IRAK3: variants seen among roughly 807,000 people sequenced by gnomAD.
IRAK3 encodes interleukin 1 receptor associated kinase 3.
IRAK3 carries 57 observed loss-of-function variants against 56.6 expected under a neutral mutation model. That is an observed-to-expected ratio of 1.01 (90% CI 0.81 to 1.26). IRAK3 has a LOEUF of 1.26. Among genes scored for constraint, IRAK3 ranks in the 50% most tolerant of loss-of-function variants. The probability of loss-of-function intolerance (pLI) is 0.00; values close to 1 mark genes in which losing one functional copy is unlikely to be tolerated. For missense variants in IRAK3, 703 were observed against 719.0 expected, an observed-to-expected ratio of 0.98 and a Z score of 0.25; for synonymous variants, 258 against 255.7, an observed-to-expected ratio of 1.01 and a Z score of -0.09.
At chr12:66,227,576 CATAAATAA>C (rs376888092) in intron 7 of IRAK3, among the ~76,000 whole-genome samples, 5 of 126,680 alleles carry the variant, frequency 3.9e-5, no homozygotes, top group East Asian at 2.2e-4. Context: ...GAGACTCTGT[CATAAATAA>C]ATAAATAAAT....
intron 8 of IRAK3, chr12:66,234,512 G>T: frequency 6.2e-7 from 1 of 1,611,878 alleles, no homozygotes; most frequent in Non-Finnish European, 8.5e-7. Context: ...AGCTGTAGTT[G>T]GGTCGTAAGT....
chr12:66,253,764 A>T lies in IRAK3; in HGVS notation c.*5593A>T, dbSNP rs767232621. 6.6e-6 allele frequency: 1 copy of T among 152,166 alleles called. No individual in the cohort carries two copies. Among genetic ancestry groups the T allele is most frequent in the Non-Finnish European group, 1.5e-5 (1 of 68,038 alleles). The allele number at this position is 152,166 out of a possible 1,614,324, so 9.4% of individuals were successfully genotyped here. A position where few individuals can be genotyped will look rare whatever the true frequency, so the allele number is the denominator to read the frequency against. On this transcript the variant is annotated 3_prime_UTR_variant, in exon 12 of 12. Coordinates refer to ENST00000261233, the MANE Select transcript of IRAK3 (RefSeq NM_007199.3). ...TAGTAGGTGCTAGGTGCATTCACAC[A>T]TCTCTTAAGCTTTAAACAACCTATT... is the stretch of plus-strand genomic sequence containing the variant.
chr12:66,219,013 A>G (rs576690227), intron 6 of IRAK3, among the ~76,000 whole-genome samples: 3 of 151,684 alleles, frequency 2.0e-5, no homozygotes, highest in African/African-American at 7.3e-5. Flanking sequence ...TCTTCTTTTT[A>G]TGGCTGAATA....
At position 66,219,042 on chromosome 12, in the gene IRAK3, G is replaced by A. The variant is rs917382950; in HGVS notation, c.653+1807G>A. ...CTGAATAATATTCCATCGTGTGTGT[G>A]TGTGTGTATGTGTGTGTGTGTGTGT... On this transcript the variant is annotated intron_variant, in intron 6 of 11. Transcript: ENST00000261233. 6.2e-5 allele frequency among the ~76,000 whole-genome samples: 9 copies of A among 145,318 alleles called. No homozygotes were observed. The East Asian group carries it at 1.2e-3, about 19-fold the overall frequency.
intron 8 of IRAK3, among the ~76,000 whole-genome samples, chr12:66,229,241 C>A (rs2052819813): frequency 6.6e-6 from 1 of 152,152 alleles, no homozygotes; most frequent in African/African-American, 2.4e-5. Flanking sequence ...ATTTTTGAGA[C>A]ATGAGAAAAT....
At chr12:66,230,986 C>A (rs1193287482) in intron 8 of IRAK3, among the ~76,000 whole-genome samples, 1 of 152,142 alleles carries the variant, frequency 6.6e-6, no homozygotes, top group African/African-American at 2.4e-5. Flanking sequence ...TAGCTTCTAT[C>A]TCCTAGGGTT....
At chr12:66,217,348 T>A in intron 6 of IRAK3, 113 bp downstream of exon 6, 2 of 814,578 alleles carry the variant, frequency 2.5e-6, no homozygotes, top group Non-Finnish European at 2.2e-6. Flanking sequence ...TTGGGTTGGA[T>A]GTTAGAACTT....
chr12:66,192,285 T>G (rs2052406748), intron 1 of IRAK3, among the ~76,000 whole-genome samples: 1 of 152,244 alleles, frequency 6.6e-6, no homozygotes, highest in Non-Finnish European at 1.5e-5. Flanking sequence ...AAATCACTTT[T>G]GTCAAGTATT....
intron 2 of IRAK3, among the ~76,000 whole-genome samples, chr12:66,206,931 A>G (rs2052563894): frequency 6.6e-6 from 1 of 152,134 alleles, no homozygotes; most frequent in Non-Finnish European, 1.5e-5. Flanking sequence ...GTTAGTTTCA[A>G]TAGTTTGTGT....
intron 1 of IRAK3, among the ~76,000 whole-genome samples, chr12:66,192,231 TTTAA>T (rs1458593273): frequency 3.9e-5 from 6 of 152,382 alleles, no homozygotes; most frequent in Admixed American, 1.3e-4. Context: ...CATTACTTCA[TTTAA>T]TTACTTTTAT....
chr12:66,214,642 A>T (rs1357164063), intron 5 of IRAK3, among the ~76,000 whole-genome samples: 1 of 152,232 alleles, frequency 6.6e-6, no homozygotes, highest in Non-Finnish European at 1.5e-5. Context: ...GACAGGGTAT[A>T]AACCCGTGTT....
chr12:66,214,987 C>G (rs2052654404), intron 5 of IRAK3, among the ~76,000 whole-genome samples: 1 of 152,088 alleles, frequency 6.6e-6, no homozygotes, highest in Non-Finnish European at 1.5e-5. Context: ...CATTACCGTA[C>G]CGTTTTAAAA....
intron 8 of IRAK3, among the ~76,000 whole-genome samples, chr12:66,238,415 A>C (rs996141345): frequency 2.0e-5 from 3 of 152,198 alleles, no homozygotes; most frequent in Non-Finnish European, 2.9e-5. Context: ...GCTTACAGAG[A>C]TTAGTGACTG....
In IRAK3 at chr12:66,209,448, T is replaced by C; in HGVS notation, c.317-8T>C. ...TTTTGTATCTACCTTCCCATATTTC[T>C]CTTTCAGGAGCAGTGTTGAGTCCTT... is the stretch of plus-strand genomic sequence containing the variant. On this transcript the variant is annotated splice_region_variant and splice_polypyrimidine_tract_variant and intron_variant, in intron 2 of 11. Transcript: ENST00000261233. 6.3e-7 allele frequency: 1 copy of C among 1,591,782 alleles called. No individual in the cohort carries two copies. Among genetic ancestry groups the C allele is most frequent in the Non-Finnish European group, 8.6e-7 (1 of 1,160,074 alleles).
At position 66,234,758 on chromosome 12, in the gene IRAK3, G is replaced by T; in HGVS notation, c.887+6388G>T. The T allele has an allele frequency of 1.9e-6, 3 of 1,593,712 alleles. No individual in the cohort carries two copies. In the East Asian group the frequency reaches 6.7e-5, roughly 36 times the overall value. ...CCTAGCAAAGCCAACACCACGACTT[G>T]TACCACTGGCATCACGTAGTATCCT... On this transcript the variant is annotated intron_variant, in intron 8 of 11. Transcript: ENST00000261233.
At chr12:66,235,804 G>A (rs562442088) in intron 8 of IRAK3, among the ~76,000 whole-genome samples, 1 of 151,880 alleles carries the variant, frequency 6.6e-6, no homozygotes, top group Non-Finnish European at 1.5e-5. Flanking sequence ...TATCAACAAC[G>A]TTTTGTTTGG....
At chr12:66,217,314 A>G (rs888188675) in intron 6 of IRAK3, 79 bp downstream of exon 6, 31 of 1,046,456 alleles carry the variant, frequency 3.0e-5, no homozygotes, top group Non-Finnish European at 4.7e-5. Flanking sequence ...TACAGCACAG[A>G]GCTTGGCGTG....
At chr12:66,193,176 T>C (rs566698046) in intron 1 of IRAK3, among the ~76,000 whole-genome samples, 8 of 151,244 alleles carry the variant, frequency 5.3e-5, no homozygotes, top group Admixed American at 5.3e-4. Context: ...CCCGGCTTAA[T>C]TTTTTTTTGT....
In IRAK3 at chr12:66,251,215, A is replaced by C. The variant is rs1249583855; in HGVS notation, c.*3044A>C. ...CAGTGACCTGATTAACGTTGTGGTA[A>C]GCAGATGCCACTGTGGCTGGGAAGT... On this transcript the variant is annotated 3_prime_UTR_variant, in exon 12 of 12. Transcript: ENST00000261233. The C allele has an allele frequency of 3.9e-5, 6 of 152,242 alleles. No individual in the cohort carries two copies. The highest frequency in any genetic ancestry group is 1.4e-4 in the African/African-American group (6 of 41,464). The allele number at this position is 152,242 out of a possible 1,614,324, so 9.4% of individuals were successfully genotyped here. A position where few individuals can be genotyped will look rare whatever the true frequency, so the allele number is the denominator to read the frequency against.
Sources: gnomAD v4.1 joint callset for allele counts (sites outside exome capture counted in the v4.1 genomes callset) on GRCh38, gnomAD v4.1.1 for gene constraint, MANE v1.5 for transcripts, NCBI Gene and HGNC (gene_info 2026-07-23, HGNC 2026-07-21) for gene names.